FXN: variants seen among roughly 807,000 people sequenced by gnomAD.
FXN encodes frataxin.
Under a neutral mutation model 22.4 loss-of-function variants are expected in FXN, and 14 were observed. The ratio of observed to expected loss-of-function variants is 0.62; its 90% CI spans 0.41 to 0.98. The LOEUF (loss-of-function observed/expected upper bound fraction) is 0.98, where lower values mean the gene tolerates loss of function less well. Ranked by LOEUF, FXN falls within the 50% of genes least tolerant of loss-of-function variation. The pLI, the probability that FXN is intolerant of heterozygous loss-of-function variation, is 0.00. For synonymous variants in FXN, 120 were observed against 114.1 expected, an observed-to-expected ratio of 1.05 and a Z score of -0.33; for missense variants, 267 against 268.4, an observed-to-expected ratio of 0.99 and a Z score of 0.04.
chr9:69,057,738 A>G (rs1244152591), intron 3 of FXN, among the ~76,000 whole-genome samples: 1 of 152,044 alleles, frequency 6.6e-6, no homozygotes, highest in African/African-American at 2.4e-5. Context: ...CTCCCCTGAG[A>G]TATAGCTAGA....
intron 3 of FXN, among the ~76,000 whole-genome samples, chr9:69,054,866 G>A (rs549642616): frequency 1.4e-4 from 22 of 152,278 alleles, no homozygotes; most frequent in African/African-American, 4.8e-4. Flanking sequence ...GTCACGAAGC[G>A]TGCATTTTGG....
At chr9:69,047,506 T>C (rs556400761) in intron 2 of FXN, among the ~76,000 whole-genome samples, 96 of 152,300 alleles carry the variant, frequency 6.3e-4, no homozygotes, top group African/African-American at 2.2e-3. Flanking sequence ...CAGAGGAGCA[T>C]GTTCCTCCAC....
chr9:69,070,825 T>G (rs1171732524), intron 4 of FXN, among the ~76,000 whole-genome samples: 1 of 151,870 alleles, frequency 6.6e-6, no homozygotes, highest in Non-Finnish European at 1.5e-5. Context: ...TAATTTTATT[T>G]ATTTTTAATT....
intron 1 of FXN, among the ~76,000 whole-genome samples, chr9:69,045,762 C>CT (rs980425226): frequency 2.0e-5 from 3 of 152,070 alleles, no homozygotes; most frequent in Non-Finnish European, 4.4e-5. Context: ...AAGCATCCTG[C>CT]CTTTCTTTAA....
rs1027622812 is a variant in FXN at position 69,035,770 on chromosome 9, G to A, written c.-13G>A. The stretch of plus-strand genomic sequence containing the variant: ...GCGCTGGAGGGCGGAGCGGGCGGCA[G>A]ACCCGGAGCAGCATGTGGACTCTCG... On this transcript the variant is annotated 5_prime_UTR_variant, in exon 1 of 5. Coordinates refer to ENST00000484259, the MANE Select transcript of FXN (RefSeq NM_000144.5). 2.7e-6 allele frequency: 4 copies of A among 1,499,816 alleles called. No homozygotes were observed. Among genetic ancestry groups the A allele is most frequent in the East Asian group, 2.7e-5 (1 of 37,642 alleles). 92.9% of individuals were successfully genotyped at this position (1,499,816 alleles called of 1,614,324 possible). A position where few individuals can be genotyped will look rare whatever the true frequency, so the allele number is the denominator to read the frequency against.
In FXN at chr9:69,073,895, C is replaced by A; in HGVS notation, c.*1133C>A. 1 of 985,174 alleles carries A rather than the reference C, an allele frequency of 1.0e-6. No individual in the cohort carries two copies. The highest frequency in any genetic ancestry group is 1.2e-6 in the Non-Finnish European group (1 of 829,754). The allele number at this position is 985,174 out of a possible 1,614,324, so 61.0% of individuals were successfully genotyped here. A position where few individuals can be genotyped will look rare whatever the true frequency, so the allele number is the denominator to read the frequency against. ...GTTGAATTCATGTGAAAATAATAGC[C>A]ATCCTTGGCCTGGCGCGGTGGCTCA... On this transcript the variant is annotated 3_prime_UTR_variant, in exon 5 of 5. Coordinates refer to ENST00000484259, the MANE Select transcript of FXN (RefSeq NM_000144.5).
At chr9:69,049,496 A>G (rs1472192064) in intron 2 of FXN, among the ~76,000 whole-genome samples, 2 of 152,186 alleles carry the variant, frequency 1.3e-5, no homozygotes, top group Admixed American at 6.5e-5. Flanking sequence ...GTAATTGTCT[A>G]GCAGCCCCTG....
intron 3 of FXN, among the ~76,000 whole-genome samples, chr9:69,060,364 C>T (rs1832047996): frequency 1.3e-5 from 2 of 150,216 alleles, no homozygotes; most frequent in South Asian, 4.2e-4. Context: ...GAGCGAGACT[C>T]CATCTCAAAA....
In FXN at chr9:69,047,350, GACACAC is replaced by G. The variant is rs148756619; in HGVS notation, c.263+893_263+898del. On this transcript the variant is annotated intron_variant, in intron 2 of 4. Transcript: ENST00000484259. The stretch of plus-strand genomic sequence containing the variant: ...ACACAGACACAGACACACACACACA[GACACAC>G]ACACACACACACACACACACACACG... 5.1e-3 allele frequency among the ~76,000 whole-genome samples: 731 copies of G among 144,170 alleles called. 6 individuals carry two copies. Among genetic ancestry groups the G allele is most frequent in the African/African-American group, 0.017 (669 of 39,352 alleles). 94.6% of individuals were successfully genotyped at this position (144,170 alleles called of 152,430 possible). A position where few individuals can be genotyped will look rare whatever the true frequency, so the allele number is the denominator to read the frequency against.
chr9:69,044,659 C>G (rs1381994671), intron 1 of FXN, among the ~76,000 whole-genome samples: 3 of 152,190 alleles, frequency 2.0e-5, no homozygotes, highest in Non-Finnish European at 4.4e-5. Context: ...CCAGGGCGCC[C>G]CCTCCTCGCT....
chr9:69,058,937 A>G (rs552396629), intron 3 of FXN, among the ~76,000 whole-genome samples: 4 of 152,216 alleles, frequency 2.6e-5, no homozygotes, highest in Admixed American at 6.5e-5. Context: ...GCGTGGTGGC[A>G]GGCACCTGTA....
At chr9:69,066,005 A>G (rs895730681) in intron 4 of FXN, among the ~76,000 whole-genome samples, 6 of 152,198 alleles carry the variant, frequency 3.9e-5, no homozygotes, top group African/African-American at 1.4e-4. Flanking sequence ...CTTTCAATCT[A>G]GAGGAATAAA....
chr9:69,069,222 A>G (rs112240525), intron 4 of FXN, among the ~76,000 whole-genome samples: 10,511 of 152,236 alleles, frequency 0.069, 492 homozygotes, highest in African/African-American at 0.13. Flanking sequence ...AAAATTCGCC[A>G]GGCATGGTGG....
At chr9:69,062,850 A>G (rs1439920386) in intron 3 of FXN, among the ~76,000 whole-genome samples, 1 of 151,850 alleles carries the variant, frequency 6.6e-6, no homozygotes, top group African/African-American at 2.4e-5. Flanking sequence ...AACATGGTTA[A>G]TATGGTAAAT....
intron 1 of FXN, among the ~76,000 whole-genome samples, chr9:69,038,413 C>T (rs545580072): frequency 2.4e-4 from 36 of 152,128 alleles, no homozygotes; most frequent in African/African-American, 8.7e-4. Context: ...GAATGGGAGC[C>T]ACACACATAA....
chr9:69,035,902 T>C lies in FXN; in HGVS notation c.120T>C (p.Arg40=). The C allele has an allele frequency of 2.1e-6, 3 of 1,451,790 alleles. No individual in the cohort carries two copies. Among genetic ancestry groups the C allele is most frequent in the Non-Finnish European group, 2.7e-6 (3 of 1,105,726 alleles). 89.9% of individuals were successfully genotyped at this position (1,451,790 alleles called of 1,614,324 possible). A position where few individuals can be genotyped will look rare whatever the true frequency, so the allele number is the denominator to read the frequency against. Residue 40 remains arginine, a synonymous_variant, in exon 1 of 5, where the codon CGT becomes CGC. Coordinates refer to ENST00000484259, the MANE Select transcript of FXN (RefSeq NM_000144.5). ...PAELAPLCGR[R]GLRTDIDATC... is the part of the protein sequence containing the mutation. ...AGTTGGCCCCACTCTGCGGCCGCCGTGGCCTGCGCACCGACATCGATGCGA... is the reference window on the plus strand; with the variant it reads ...AGTTGGCCCCACTCTGCGGCCGCCGCGGCCTGCGCACCGACATCGATGCGA...
chr9:69,053,286 C>A, intron 3 of FXN, 26 bp downstream of exon 3: 1 of 1,610,848 alleles, frequency 6.2e-7, no homozygotes, highest in Non-Finnish European at 8.5e-7. Flanking sequence ...TTTTATTTTT[C>A]TGTTTCCCCC....
chr9:69,065,193 G>C (rs1449068559), intron 4 of FXN, 158 bp downstream of exon 4: 1 of 689,956 alleles, frequency 1.4e-6, no homozygotes, highest in Non-Finnish European at 2.6e-6. Context: ...TTGAGGACAG[G>C]AGTTCAGAAC....
intron 4 of FXN, among the ~76,000 whole-genome samples, chr9:69,070,557 G>A (rs957259424): frequency 5.9e-5 from 9 of 152,148 alleles, no homozygotes; most frequent in African/African-American, 2.2e-4. Context: ...AGAGGCTCAG[G>A]GAAACACCAG....
Sources: gnomAD v4.1 joint callset for allele counts (sites outside exome capture counted in the v4.1 genomes callset) on GRCh38, gnomAD v4.1.1 for gene constraint, MANE v1.5 for transcripts, NCBI Gene and HGNC (gene_info 2026-07-23, HGNC 2026-07-21) for gene names.